The following ASTN2 variants were observed in gnomAD, a reference collection of about 807,000 sequenced individuals.
ASTN2 encodes the protein astrotactin-2.
In ASTN2, 54 loss-of-function variants were observed where a neutral mutation model predicts 139.8. That is an observed-to-expected ratio of 0.39 (90% CI 0.31 to 0.48). The LOEUF is 0.48. Ranked by LOEUF, ASTN2 falls within the 20% of genes least tolerant of loss-of-function variation. The pLI, the probability that ASTN2 is intolerant of heterozygous loss-of-function variation, is 0.95. For missense variants in ASTN2, 1,565 were observed against 1,725.1 expected (o/e 0.91, Z 1.64); for synonymous variants, 756 against 719.5 (o/e 1.05, Z -0.81).
chr9:116,973,392 A>C (rs1836264860), intron 10 of ASTN2, among the ~76,000 whole-genome samples: 1 of 152,164 alleles, frequency 6.6e-6, no homozygotes, highest in Non-Finnish European at 1.5e-5. Flanking sequence ...AAACGTAGAG[A>C]ATTAAACTTG....
intron 7 of ASTN2, among the ~76,000 whole-genome samples, chr9:117,005,397 C>T (rs1369980253): frequency 6.6e-6 from 1 of 151,960 alleles, no homozygotes; most frequent in African/African-American, 2.4e-5. Context: ...GTTGTCTTGG[C>T]ACCCATTTAA....
intron 1 of ASTN2, among the ~76,000 whole-genome samples, chr9:117,336,727 G>C (rs1828896283): frequency 6.6e-6 from 1 of 152,090 alleles, no homozygotes; most frequent in Non-Finnish European, 1.5e-5. Flanking sequence ...AATGGGTTCT[G>C]GTTTAAAGGA....
chr9:117,064,733 G>T (rs1431806886), intron 5 of ASTN2, among the ~76,000 whole-genome samples: 1 of 151,926 alleles, frequency 6.6e-6, no homozygotes, highest in Non-Finnish European at 1.5e-5. Flanking sequence ...TACACTAAAA[G>T]CTTAAGCTTT....
chr9:116,975,455 A>G (rs1836317975), intron 9 of ASTN2, 110 bp from the exon 10 acceptor site: 1 of 1,080,538 alleles, frequency 9.3e-7, no homozygotes, highest in Non-Finnish European at 1.3e-6. Flanking sequence ...TTCTCCATCC[A>G]TATCCCCAGC....
rs767579441 is a variant in ASTN2, at chr9:116,733,438, C to A, written c.2482G>T (p.Val828Phe). The A allele has an allele frequency of 1.9e-6, 3 of 1,599,310 alleles. No homozygotes were observed. The highest frequency in any genetic ancestry group is 2.6e-6 in the Non-Finnish European group (3 of 1,168,022). Residue 828 changes from valine to phenylalanine, a missense_variant, in exon 14 of 23, where the codon GTC (valine) becomes TTC (phenylalanine). By Grantham distance (50) the Val-to-Phe change is conservative. Around this residue, in one of 4 missense-constraint regions of ASTN2, gnomAD observed 503 missense variants for 591.7 expected, o/e 0.85. Transcript: ENST00000313400. ...AGGTCTGGAAGGGGCTCGGAGAGGA[C>A]CCCCCGGCACTGCTCCTCCACCGGC... ...PLPVEEQCRG[V>F]LSEPLPDLQL... is the part of the protein sequence containing the mutation.
At chr9:116,531,914 A>G (rs1445272383) in intron 19 of ASTN2, among the ~76,000 whole-genome samples, 4 of 152,134 alleles carry the variant, frequency 2.6e-5, no homozygotes, top group East Asian at 1.9e-4. Flanking sequence ...TGGTATTTCT[A>G]GTTCTAGATC....
intron 13 of ASTN2, among the ~76,000 whole-genome samples, chr9:116,802,389 CCATGCT>C: frequency 6.6e-6 from 1 of 152,210 alleles, no homozygotes; most frequent in East Asian, 1.9e-4. Flanking sequence ...ACCAGCGGTG[CCATGCT>C]CTTTCTCACT....
At chr9:117,214,984 T>C (rs918122877) in intron 2 of ASTN2, among the ~76,000 whole-genome samples, 31 of 152,290 alleles carry the variant, frequency 2.0e-4, no homozygotes, top group African/African-American at 7.2e-4. Flanking sequence ...TCCATAGTTA[T>C]AAAGGTTGAG....
At chr9:117,318,756 A>C (rs1828226641) in intron 1 of ASTN2, among the ~76,000 whole-genome samples, 1 of 152,156 alleles carries the variant, frequency 6.6e-6, no homozygotes, top group South Asian at 2.1e-4. Flanking sequence ...AAGCAGGTAC[A>C]CGTCTCAGTC....
intron 13 of ASTN2, among the ~76,000 whole-genome samples, chr9:116,803,891 C>A (rs1405228658): frequency 6.6e-6 from 1 of 151,630 alleles, no homozygotes; most frequent in Non-Finnish European, 1.5e-5. Context: ...TTCTCAAACT[C>A]CTGGGCTCAA....
chr9:117,115,918 G>A (rs139271605), intron 4 of ASTN2, among the ~76,000 whole-genome samples: 3,366 of 151,766 alleles, frequency 0.022, 111 homozygotes, highest in African/African-American at 0.077. Flanking sequence ...CCAGCTACTC[G>A]GCAGGCTGAG....
rs150179511 is a variant in ASTN2 at position 116,721,739 on chromosome 9, C to T, written c.2806+4032G>A. Among the ~76,000 whole-genome samples, 1,150 of 152,270 alleles carry T rather than the reference C, an allele frequency of 7.6e-3. 15 individuals are homozygous for T. The highest frequency in any genetic ancestry group is 0.021 in the African/African-American group (878 of 41,552). On this transcript the variant is annotated intron_variant, in intron 16 of 22. Coordinates refer to ENST00000313400, the MANE Select transcript of ASTN2 (RefSeq NM_001365068.1). ...ACCTGTTCGGTGTTCCAGTCCCCTA[C>T]GGACTACTGGAAAGCTCAGAATTCC... is the stretch of plus-strand genomic sequence containing the variant.
intron 19 of ASTN2, among the ~76,000 whole-genome samples, chr9:116,524,026 G>A (rs998936236): frequency 9.9e-5 from 15 of 152,114 alleles, no homozygotes; most frequent in Admixed American, 3.3e-4. Context: ...ATCACACAGT[G>A]GCATAGCTTA....
chr9:116,687,314 C>T, intron 16 of ASTN2: 1 of 979,388 alleles, frequency 1.0e-6, no homozygotes, highest in Non-Finnish European at 1.2e-6. Context: ...TGCTCAACGG[C>T]GCGTGCGCAG....
In ASTN2 at chr9:117,000,085, T is replaced by C. The variant is rs375698663; in HGVS notation, c.1591+8007A>G. Among the ~76,000 whole-genome samples the C allele has an allele frequency of 2.6e-5, 4 of 152,348 alleles. No homozygotes were observed. In the South Asian group the frequency reaches 6.2e-4, roughly 24 times the overall value. On this transcript the variant is annotated intron_variant, in intron 7 of 22. Transcript: ENST00000313400. ...TTGAATTAATAAGTGAAGATACACA[T>C]GACTGAATAAATGATTATAGAAATA...
intron 19 of ASTN2, among the ~76,000 whole-genome samples, chr9:116,521,838 TA>T (rs1192828844): frequency 1.4e-5 from 2 of 141,550 alleles, no homozygotes; most frequent in Non-Finnish European, 3.1e-5. Flanking sequence ...ACAATCCCAT[TA>T]AAAAGCAGGT....
intron 19 of ASTN2, among the ~76,000 whole-genome samples, chr9:116,565,427 A>ATATATATATATATT (rs1554714243): frequency 1.4e-5 from 1 of 74,022 alleles, no homozygotes; most frequent in African/African-American, 5.6e-5. Flanking sequence ...ATATATATAT[A>ATATATATATATATT]TATTTATTTA....
chr9:116,459,073 T>C (rs955179497), intron 20 of ASTN2, among the ~76,000 whole-genome samples: 1 of 152,016 alleles, frequency 6.6e-6, no homozygotes, highest in Non-Finnish European at 1.5e-5. Flanking sequence ...ATCAATGAAA[T>C]AAAATTGACA....
intron 3 of ASTN2, among the ~76,000 whole-genome samples, chr9:117,194,276 T>C (rs2132975780): frequency 6.6e-6 from 1 of 152,208 alleles, no homozygotes; most frequent in South Asian, 2.1e-4. Flanking sequence ...GGGAAAGAAA[T>C]GTCTCCTGCA....
Sources: gnomAD v4.1 joint callset for allele counts (sites outside exome capture counted in the v4.1 genomes callset) on GRCh38, gnomAD v4.1.1 for gene constraint, gnomAD v4.1.1 regional missense constraint, MANE v1.5 for transcripts, NCBI Gene and HGNC (gene_info 2026-07-23, HGNC 2026-07-21) for gene names.